ZNF682: variants seen among roughly 807,000 people sequenced by gnomAD.
ZNF682 encodes zinc finger protein 682.
A neutral mutation model predicts 36.5 loss-of-function variants in ZNF682; 29 were observed. The ratio of observed to expected loss-of-function variants is 0.80; its 90% confidence interval spans 0.59 to 1.08. The LOEUF is 1.08. ZNF682 is among the 50% of genes least tolerant of loss of function. The pLI, the probability that ZNF682 is intolerant of heterozygous loss-of-function variation, is 0.00. For synonymous variants in ZNF682, 180 were observed against 197.0 expected, an observed-to-expected ratio of 0.91 and a Z score of 0.72; for missense variants, 561 against 579.7, an observed-to-expected ratio of 0.97 and a Z score of 0.33.
rs1253627595 is a variant in ZNF682, at chr19:20,007,548, C to T, written c.227-273G>A. 7.1e-5 allele frequency: 26 copies of T among 367,266 alleles called. No individual in the cohort carries two copies. The Middle Eastern group carries it at 2.3e-3, about 33-fold the overall frequency. 22.8% of individuals were successfully genotyped at this position (367,266 alleles called of 1,614,324 possible). On this transcript the variant is annotated intron_variant, in intron 3 of 3. Coordinates refer to ENST00000397165, the MANE Select transcript of ZNF682 (RefSeq NM_033196.3). ...TGCTCAAAGTCACTGGGCACCAGGA[C>T]TGGCTCGTAGATCCAGACCAGTCTT...
chr19:20,012,798 C>T (rs1281820882), intron 3 of ZNF682, among the ~76,000 whole-genome samples: 1 of 144,420 alleles, frequency 6.9e-6, no homozygotes, highest in Non-Finnish European at 1.5e-5. Flanking sequence ...AAATTTAAAT[C>T]AACAAGAAAA....
chr19:20,030,086 T>C (rs1450708499), intron 1 of ZNF682, among the ~76,000 whole-genome samples: 2 of 152,182 alleles, frequency 1.3e-5, no homozygotes, highest in South Asian at 2.1e-4. Context: ...TTTCCAATTC[T>C]GTGTTTTCTA....
At chr19:20,029,666 A>G (rs951090060) in intron 1 of ZNF682, among the ~76,000 whole-genome samples, 2 of 152,050 alleles carry the variant, frequency 1.3e-5, no homozygotes, top group Non-Finnish European at 2.9e-5. Context: ...AGACACAAGA[A>G]TGAAATACAG....
At chr19:20,021,776 A>G (rs920167964) in intron 3 of ZNF682, among the ~76,000 whole-genome samples, 1 of 152,192 alleles carries the variant, frequency 6.6e-6, no homozygotes. Flanking sequence ...AAAAATATAA[A>G]ATGTAGAAAT....
chr19:19,998,137 A>G (rs1454148460), intron 3 of ZNF682, among the ~76,000 whole-genome samples: 5 of 152,246 alleles, frequency 3.3e-5, no homozygotes, highest in Non-Finnish European at 7.3e-5. Flanking sequence ...CCTGAGGACC[A>G]GTCTGAGGAC....
chr19:20,024,098 C>A (rs1478972613), intron 2 of ZNF682, 152 bp downstream of exon 2: 12 of 843,328 alleles, frequency 1.4e-5, no homozygotes, highest in Non-Finnish European at 2.1e-5. Context: ...TGAAAATTTT[C>A]TTCTCTATCC....
At chr19:20,025,726 A>C (rs2088425604) in intron 1 of ZNF682, among the ~76,000 whole-genome samples, 1 of 152,168 alleles carries the variant, frequency 6.6e-6, no homozygotes, top group Non-Finnish European at 1.5e-5. Flanking sequence ...ACAATAGAAC[A>C]AATTGATGTA....
chr19:20,010,015 ATC>A (rs1452204763), intron 3 of ZNF682, among the ~76,000 whole-genome samples: 4 of 151,982 alleles, frequency 2.6e-5, no homozygotes, highest in Non-Finnish European at 5.9e-5. Flanking sequence ...GCGAGACTCC[ATC>A]TCAACAACAA....
intron 3 of ZNF682, among the ~76,000 whole-genome samples, chr19:20,017,405 G>A (rs1365907865): frequency 1.3e-5 from 2 of 152,068 alleles, no homozygotes; most frequent in Non-Finnish European, 2.9e-5. Flanking sequence ...CAAGTGGGTG[G>A]GGTGGCCATA....
At position 20,007,016 on chromosome 19, in the gene ZNF682, T is replaced by C. The variant is rs1396378450; in HGVS notation, c.486A>G (p.Arg162=). ...KVFSKSSNLN[R]ENIRHTTEKL... ...TCTCTGTAGTATGTCTTATGTTTTCTCTATTTAGATTTGATGATTTACTAA... is the reference window on the plus strand; with the variant it reads ...TCTCTGTAGTATGTCTTATGTTTTCCCTATTTAGATTTGATGATTTACTAA... Residue 162 remains arginine, a synonymous_variant, in exon 4 of 4, where the codon AGA becomes AGG. Transcript: ENST00000397165. The C allele has an allele frequency of 6.2e-7, 1 of 1,613,266 alleles. No homozygotes were observed.
In ZNF682 at chr19:20,005,987, T is replaced by C. The variant is rs751709123; in HGVS notation, c.*18A>G. 6.4e-6 allele frequency: 10 copies of C among 1,555,258 alleles called. No individual in the cohort carries two copies. Among genetic ancestry groups the C allele is most frequent in the African/African-American group, 1.4e-5 (1 of 72,592 alleles). ...CCACATTCTTTACATTTGTAGGATT[T>C]CTCTTTAGTAAAAATTCTTACGTAG... On this transcript the variant is annotated 3_prime_UTR_variant, in exon 4 of 4. Transcript: ENST00000397165.
rs2088219448 is a variant in ZNF682 at position 20,006,371 on chromosome 19, G to T, written c.1131C>A (p.Val377=). 1 of 1,612,826 alleles carries T rather than the reference G, an allele frequency of 6.2e-7. No homozygotes were observed. Among genetic ancestry groups the T allele is most frequent in the African/African-American group, 1.3e-5 (1 of 74,768 alleles). ...TAGTAAGGTATGAGAACCTCTTAAA[G>T]ACTTTGTCACATTTTTCACATTTGT... ...KPYKCEKCDK[V]FKRFSYLTKH... is the part of the protein sequence containing the mutation. Residue 377 remains valine (V), a synonymous_variant, in exon 4 of 4, where the codon GTC becomes GTA. Coordinates refer to ENST00000397165, the MANE Select transcript of ZNF682 (RefSeq NM_033196.3).
At chr19:20,037,182 G>A (rs1185197777) in intron 1 of ZNF682, among the ~76,000 whole-genome samples, 2 of 152,132 alleles carry the variant, frequency 1.3e-5, no homozygotes, top group Non-Finnish European at 2.9e-5. Context: ...GGGTGGCGTT[G>A]GGCACACTGT....
chr19:20,031,521 G>C (rs1470694658), intron 1 of ZNF682, among the ~76,000 whole-genome samples: 1 of 152,196 alleles, frequency 6.6e-6, no homozygotes, highest in African/African-American at 2.4e-5. Context: ...TGTCTCATGA[G>C]TCCCAGAAGC....
chr19:20,010,021 A>T (rs975454124), intron 3 of ZNF682, among the ~76,000 whole-genome samples: 15 of 152,008 alleles, frequency 9.9e-5, no homozygotes, highest in African/African-American at 3.6e-4. Flanking sequence ...CTCCATCTCA[A>T]CAACAACAAA....
chr19:20,031,561 C>T (rs1158307688), intron 1 of ZNF682, among the ~76,000 whole-genome samples: 1 of 152,218 alleles, frequency 6.6e-6, no homozygotes, highest in African/African-American at 2.4e-5. Flanking sequence ...CTAGTGACAT[C>T]AACCTGGCTG....
chr19:20,033,045 C>T (rs2088493881), intron 1 of ZNF682, among the ~76,000 whole-genome samples: 2 of 152,186 alleles, frequency 1.3e-5, no homozygotes, highest in South Asian at 4.1e-4. Flanking sequence ...GTGGGCAGAT[C>T]ACCTGAGATC....
chr19:20,034,925 C>T (rs7247476), intron 1 of ZNF682, among the ~76,000 whole-genome samples: 119,200 of 151,912 alleles, frequency 0.78, 46,911 homozygotes, highest in Middle Eastern at 0.87. Context: ...GGCGAAACCC[C>T]GTCTCTACTA....
At chr19:20,039,027 T>G in intron 1 of ZNF682, 1 of 733,730 alleles carries the variant, frequency 1.4e-6, no homozygotes, top group Non-Finnish European at 2.0e-6. Context: ...ACACACGGGG[T>G]CTGGACTCTG....
Sources: allele counts gnomAD v4.1 joint callset (sites outside exome capture counted in the v4.1 genomes callset), GRCh38; gene constraint gnomAD v4.1.1; transcripts MANE v1.5; gene names NCBI Gene and HGNC (gene_info 2026-07-23, HGNC 2026-07-21).